PRELID2: variants seen among roughly 807,000 people sequenced by gnomAD.
The protein encoded by PRELID2 is PRELI domain-containing protein 2.
In PRELID2, 25 loss-of-function variants were observed where a neutral mutation model predicts 28.4. That is an observed-to-expected ratio of 0.88 (90% confidence interval 0.64 to 1.23). PRELID2 has a LOEUF of 1.23. Ranked by LOEUF, PRELID2 falls within the 50% of genes most tolerant of loss-of-function variation. The probability of loss-of-function intolerance (pLI) is 0.00; values close to 1 mark genes in which losing one functional copy is unlikely to be tolerated. For missense variants in PRELID2, 201 were observed against 214.4 expected (o/e 0.94, Z 0.39); for synonymous variants, 76 against 71.6 (o/e 1.06, Z -0.31).
At chr5:145,748,790 G>C (rs1561572504) in intron 1 of PRELID2, among the ~76,000 whole-genome samples, 1 of 152,028 alleles carries the variant, frequency 6.6e-6, no homozygotes, top group Non-Finnish European at 1.5e-5. Context: ...CAGACAAATG[G>C]AACAAAACAG....
chr5:145,279,440 G>T, the PRELID2 span, among the ~76,000 whole-genome samples: 33 of 152,204 alleles, frequency 2.2e-4, no homozygotes, highest in African/African-American at 6.7e-4. Context: ...GTGATTTTAG[G>T]CCAGCTTCTT....
chr5:145,502,939 C>A (rs1294147587), intron 1 of PRELID2, among the ~76,000 whole-genome samples: 4 of 151,914 alleles, frequency 2.6e-5, no homozygotes, highest in Non-Finnish European at 4.4e-5. Context: ...ACTAGGATCC[C>A]AAAACCCATT....
intron 1 of PRELID2, among the ~76,000 whole-genome samples, chr5:145,692,993 G>C (rs1359819321): frequency 6.6e-6 from 1 of 152,050 alleles, no homozygotes; most frequent in Non-Finnish European, 1.5e-5. Context: ...AGAAAATACA[G>C]GTGTACGTCA....
the PRELID2 span, among the ~76,000 whole-genome samples, chr5:145,270,953 A>C: frequency 2.6e-5 from 4 of 152,132 alleles, no homozygotes; most frequent in Admixed American, 2.6e-4. Flanking sequence ...GGCCTCAGGA[A>C]ACTTACAATC....
At chr5:145,744,838 T>C (rs12651915) in intron 1 of PRELID2, among the ~76,000 whole-genome samples, 127,286 of 151,980 alleles carry the variant, frequency 0.84, 53,576 homozygotes, top group East Asian at 0.96. Flanking sequence ...CCAGCAAGGG[T>C]GCATAATTGG....
At chr5:145,628,994 A>C (rs1753895490) in intron 1 of PRELID2, among the ~76,000 whole-genome samples, 1 of 152,226 alleles carries the variant, frequency 6.6e-6, no homozygotes. Context: ...GGTGGTTTGA[A>C]AATTTGCTTC....
intron 5 of PRELID2, among the ~76,000 whole-genome samples, chr5:145,767,154 A>C: frequency 7.6e-6 from 1 of 131,530 alleles, no homozygotes; most frequent in African/African-American, 2.8e-5. Context: ...ACCCATAAAA[A>C]CCCCAGGCCC....
At chr5:145,606,865 A>G (rs886989930) in intron 1 of PRELID2, among the ~76,000 whole-genome samples, 1 of 151,820 alleles carries the variant, frequency 6.6e-6, no homozygotes, top group African/African-American at 2.4e-5. Context: ...CATCTGGTAG[A>G]ATTTGGCTGC....
intron 1 of PRELID2, among the ~76,000 whole-genome samples, chr5:145,828,200 GAATA>G (rs1755331325): frequency 6.6e-6 from 1 of 152,028 alleles, no homozygotes; most frequent in Non-Finnish European, 1.5e-5. Context: ...TGTAAAATGA[GAATA>G]AATACTTACC....
intron 1 of PRELID2, among the ~76,000 whole-genome samples, chr5:145,514,780 G>A (rs573742502): frequency 7.3e-5 from 11 of 151,128 alleles, no homozygotes; most frequent in African/African-American, 2.4e-4. Flanking sequence ...CAAAAAAAAA[G>A]AAAGAAAAGG....
chr5:145,505,450 C>G (rs1043678463), intron 1 of PRELID2, among the ~76,000 whole-genome samples: 7 of 152,148 alleles, frequency 4.6e-5, no homozygotes, highest in Non-Finnish European at 8.8e-5. Flanking sequence ...CATGGTAGCC[C>G]TGAACATCTT....
the PRELID2 span, among the ~76,000 whole-genome samples, chr5:145,341,520 A>G: frequency 6.6e-6 from 1 of 152,146 alleles, no homozygotes; most frequent in Non-Finnish European, 1.5e-5. Flanking sequence ...AACCTGGGCA[A>G]CAGAGTGAGA....
chr5:145,246,919 T>G, the PRELID2 span, among the ~76,000 whole-genome samples: 2 of 152,168 alleles, frequency 1.3e-5, no homozygotes, highest in Non-Finnish European at 2.9e-5. Flanking sequence ...TCTTCTTTCC[T>G]GGGGACCAGT....
At chr5:145,783,980 T>C (rs1751815792) in intron 5 of PRELID2, among the ~76,000 whole-genome samples, 1 of 152,118 alleles carries the variant, frequency 6.6e-6, no homozygotes, top group African/African-American at 2.4e-5. Flanking sequence ...AGGTAGGATA[T>C]ATGAAAGGCT....
intron 1 of PRELID2, among the ~76,000 whole-genome samples, chr5:145,655,013 C>A (rs1049656940): frequency 1.3e-5 from 2 of 150,592 alleles, no homozygotes; most frequent in Non-Finnish European, 3.0e-5. Flanking sequence ...TCGTCTCAAC[C>A]CAAAATCTCC....
At chr5:145,523,003 T>C (rs377375901) in intron 1 of PRELID2, among the ~76,000 whole-genome samples, 1 of 152,176 alleles carries the variant, frequency 6.6e-6, no homozygotes, top group South Asian at 2.1e-4. Context: ...ATACAGTAAT[T>C]GGTCAGGTTG....
At chr5:145,329,233 T>C in the PRELID2 span, among the ~76,000 whole-genome samples, 3 of 152,140 alleles carry the variant, frequency 2.0e-5, no homozygotes, top group Non-Finnish European at 4.4e-5. Context: ...TTGTTCTTTC[T>C]TTTTGCTTAG....
intron 1 of PRELID2, among the ~76,000 whole-genome samples, chr5:145,510,288 C>T (rs1752449706): frequency 1.3e-5 from 2 of 152,194 alleles, no homozygotes; most frequent in Admixed American, 1.3e-4. Flanking sequence ...TCCCTCACCA[C>T]ACTTTTTCCC....
chr5:145,346,656 C>T, the PRELID2 span, among the ~76,000 whole-genome samples: 2 of 152,134 alleles, frequency 1.3e-5, no homozygotes, highest in Non-Finnish European at 2.9e-5. Flanking sequence ...GCTATTTCTA[C>T]ACTGTCAGAG....
Sources: gnomAD v4.1 joint callset for allele counts (sites outside exome capture counted in the v4.1 genomes callset) on GRCh38, gnomAD v4.1.1 for gene constraint, MANE v1.5 for transcripts, NCBI Gene and HGNC (gene_info 2026-07-23, HGNC 2026-07-21) for gene names.